Variants in ZBTB40 observed in about 807,000 individuals in gnomAD.
The protein encoded by ZBTB40 is zinc finger and BTB domain-containing protein 40.
ZBTB40 carries 60 observed loss-of-function variants against 117.5 expected under a neutral mutation model. That is an observed-to-expected ratio of 0.51 (90% CI 0.41 to 0.63). ZBTB40 has a LOEUF of 0.63. ZBTB40 is among the 30% of genes least tolerant of loss of function. The pLI is 0.00. For missense variants in ZBTB40, 1,287 were observed against 1,498.5 expected (o/e 0.86, Z 2.33); for synonymous variants, 525 against 577.1 (o/e 0.91, Z 1.29).
rs200179557 is a variant in ZBTB40 at position 22,501,498 on chromosome 1, G to A, written c.838G>A (p.Val280Met). The A allele has an allele frequency of 7.6e-5, 123 of 1,614,036 alleles. No homozygotes were observed. Among genetic ancestry groups the A allele is most frequent in the Non-Finnish European group, 9.4e-5 (111 of 1,180,002 alleles). ...EIKGPQKEMIVKCFEGEGGHS... is the reference protein window; with the variant it reads ...EIKGPQKEMIMKCFEGEGGHS... ...GGGTACTTTTGTTCCATAGATGATA[G>A]TGAAATGTTTCGAGGGTGAAGGAGG... The change falls in exon 4 of 18, where the codon GTG becomes ATG. Residue 280 changes from valine (V) to methionine (M), a missense_variant. Val to Met is a conservative substitution (Grantham distance 21). Transcript: ENST00000375647.
rs756589117 is a variant in ZBTB40 at position 22,508,040 on chromosome 1, G to A, written c.1400G>A (p.Arg467Lys). 6.0e-5 allele frequency: 97 copies of A among 1,614,022 alleles called. No individual in the cohort carries two copies. The highest frequency in any genetic ancestry group is 8.2e-5 in the Non-Finnish European group (97 of 1,180,056). ...GATGATTATGGGACTGAGCTATTGAGACGCTATCATGAAAACCTCTCTGAG... is the reference window on the plus strand; with the variant it reads ...GATGATTATGGGACTGAGCTATTGAAACGCTATCATGAAAACCTCTCTGAG... ...SPDDYGTELL[R>K]RYHENLSEIF... The change falls in exon 7 of 18, where the codon AGA becomes AAA. Residue 467 changes from arginine (R) to lysine (K), a missense_variant. This residue lies in a region of ZBTB40 where 870 missense variants were observed against 934.4 expected (regional missense o/e 0.93). Transcript: ENST00000375647.
Position 22,521,585 on chromosome 1 carries a change from C to CCAGT in ZBTB40, c.3139_3142dup (p.Cys1048SerfsTer6). 1 of 1,614,188 alleles carries CCAGT rather than the reference C, an allele frequency of 6.2e-7. No individual in the cohort carries two copies. The highest frequency in any genetic ancestry group is 1.1e-5 in the South Asian group (1 of 91,082). ...ACCGATCTTCCAAGTTCTCATCACT[C>CCAGT]CAGTGCAGCTCCTGTGACAAAACCT... On this transcript the variant is annotated frameshift_variant, in exon 15 of 18. Coordinates refer to ENST00000375647, the MANE Select transcript of ZBTB40 (RefSeq NM_014870.4). LOFTEE classifies it high-confidence loss of function.
At chr1:22,453,695 C>G (rs958855358) in intron 1 of ZBTB40, among the ~76,000 whole-genome samples, 1 of 152,184 alleles carries the variant, frequency 6.6e-6, no homozygotes, top group African/African-American at 2.4e-5. Context: ...AACAAACTCA[C>G]GTCGGAGAGA....
chr1:22,492,556 A>AG lies in ZBTB40; in HGVS notation c.831+1024dup, dbSNP rs983915244. ...CTTGCTCCTCTGATTGGTAGGGGGT[A>AG]GTGTGGGCCGATCCTCCCATGTTGC... On this transcript the variant is annotated intron_variant, in intron 3 of 17. Transcript: ENST00000375647. Among the ~76,000 whole-genome samples, 4 of 152,314 alleles carry AG rather than the reference A, an allele frequency of 2.6e-5. No homozygotes were observed. In the East Asian group the frequency reaches 7.7e-4, roughly 29 times the overall value.
chr1:22,484,919 C>T lies in ZBTB40; in HGVS notation c.-69-4961C>T, dbSNP rs370380103. On this transcript the variant is annotated intron_variant, in intron 1 of 17. Transcript: ENST00000375647. ...TTGACATGTTCACATGATTTTTCTT[C>T]TTTAGCCTGTTGATGCGATGGATCA... Among the ~76,000 whole-genome samples the T allele has an allele frequency of 1.2e-3, 179 of 152,252 alleles. 5 individuals are homozygous for T. In the South Asian group the frequency reaches 0.02, roughly 17 times the overall value.
In ZBTB40 at chr1:22,506,072, C is replaced by G; in HGVS notation, c.1191C>G (p.Gly397=). 1 of 1,614,006 alleles carries G rather than the reference C, an allele frequency of 6.2e-7. No homozygotes were observed. The change falls in exon 6 of 18, where the codon GGC becomes GGG. Residue 397 remains glycine, a synonymous_variant. Coordinates refer to ENST00000375647, the MANE Select transcript of ZBTB40 (RefSeq NM_014870.4). The part of the protein sequence containing the change: ...EKRVILNCCE[G]RTPKETIENL... ...AGGTGATTCTGAATTGCTGTGAGGG[C>G]AGAACACCCAAGGAGACAATAGAAA...
rs1429386810 is a variant in ZBTB40 at position 22,502,376 on chromosome 1, C to G, written c.1102C>G (p.Leu368Val). The G allele has an allele frequency of 1.2e-6, 2 of 1,613,980 alleles. No individual in the cohort carries two copies. The highest frequency in any genetic ancestry group is 2.2e-5 in the South Asian group (2 of 91,086). ...GGACCTGATACAGTGTGTAACACAG[C>G]TGAGACCTATTATGGAGTCCCTGGA... ...KEDLIQCVTQ[L>V]RPIMESLETA... The change falls in exon 5 of 18, where the codon CTG (leucine) becomes GTG (valine). Residue 368 changes from leucine (L) to valine (V), a missense_variant. By Grantham distance (32) the Leu-to-Val change is conservative. This residue lies in a region of ZBTB40 where 870 missense variants were observed against 934.4 expected (regional missense o/e 0.93). Coordinates refer to ENST00000375647, the MANE Select transcript of ZBTB40 (RefSeq NM_014870.4).
Position 22,490,316 on chromosome 1 carries a change from G to T in ZBTB40, c.368G>T (p.Gly123Val). 1 of 1,614,190 alleles carries T rather than the reference G, an allele frequency of 6.2e-7. No homozygotes were observed. Among genetic ancestry groups the T allele is most frequent in the Non-Finnish European group, 8.5e-7 (1 of 1,180,042 alleles). The change falls in exon 2 of 18, where the codon GGT (glycine) becomes GTT (valine). Residue 123 changes from glycine (G) to valine (V), a missense_variant. By Grantham distance (109) the Gly-to-Val change is moderately radical (BLOSUM62 -3). Coordinates refer to ENST00000375647, the MANE Select transcript of ZBTB40 (RefSeq NM_014870.4). ...LTSLVNCSVQ[G>V]QVVRDVSAPS... is the part of the protein sequence containing the mutation. ...AGCCTTGTAAACTGCTCGGTTCAGG[G>T]TCAGGTGGTAAGGGATGTCTCTGCG...
At chr1:22,447,660 G>T (rs1385982313), upstream of ZBTB40, among the ~76,000 whole-genome samples, 1 of 152,206 alleles carries the variant, frequency 6.6e-6, no homozygotes, top group Non-Finnish European at 1.5e-5. Context: ...GGATTCATAG[G>T]GTCAGGCCCG....
chr1:22,502,292 C>T lies in ZBTB40; in HGVS notation c.1025-7C>T, dbSNP rs768032876. ...CTCTTGTGTGTCTCTAACTCTTTCT[C>T]CCCCAGGGAGCACAGAGGAGGGAAA... On this transcript the variant is annotated splice_region_variant and splice_polypyrimidine_tract_variant and intron_variant, in intron 4 of 17. Transcript: ENST00000375647. The T allele has an allele frequency of 6.2e-7, 1 of 1,612,740 alleles. No homozygotes were observed. Among genetic ancestry groups the T allele is most frequent in the Non-Finnish European group, 8.5e-7 (1 of 1,179,324 alleles).
At chr1:22,473,394 T>G (rs1401017726) in intron 1 of ZBTB40, among the ~76,000 whole-genome samples, 3 of 152,232 alleles carry the variant, frequency 2.0e-5, no homozygotes, top group Non-Finnish European at 4.4e-5. Context: ...GGTCTGTTAC[T>G]TAACTTCACT....
At chr1:22,510,425 C>T (rs754492548) in intron 9 of ZBTB40, among the ~76,000 whole-genome samples, 1 of 152,178 alleles carries the variant, frequency 6.6e-6, no homozygotes, top group Non-Finnish European at 1.5e-5. Context: ...GTTTTAGCCT[C>T]ACTAATTAGT....
chr1:22,495,382 C>T (rs184804856), intron 3 of ZBTB40, among the ~76,000 whole-genome samples: 6 of 152,268 alleles, frequency 3.9e-5, no homozygotes, highest in African/African-American at 7.2e-5. Context: ...ATATCCCTTA[C>T]GCATTAGAAA....
intron 1 of ZBTB40, among the ~76,000 whole-genome samples, chr1:22,487,990 G>T (rs1346455347): frequency 6.6e-6 from 1 of 152,038 alleles, no homozygotes; most frequent in African/African-American, 2.4e-5. Flanking sequence ...TTTCTTATCT[G>T]CATGCCTCAT....
intron 1 of ZBTB40, among the ~76,000 whole-genome samples, chr1:22,433,432 C>CAAAAAAAAAAAAAAA (rs767913519): frequency 0.023 from 202 of 8,758 alleles, 59 homozygotes; most frequent in South Asian, 0.04. Flanking sequence ...GACGCCCTCT[C>CAAAAAAAAAAAAAAA]AAAAAAAAAA....
chr1:22,508,852 A>T, intron 8 of ZBTB40, 121 bp downstream of exon 8: 1 of 1,167,182 alleles, frequency 8.6e-7, no homozygotes, highest in African/African-American at 1.6e-5. Flanking sequence ...AGAAGTAAGG[A>T]CTGGCAGTTT....
chr1:22,514,403 A>T (rs975146905), intron 12 of ZBTB40, among the ~76,000 whole-genome samples: 2 of 152,172 alleles, frequency 1.3e-5, no homozygotes, highest in Non-Finnish European at 2.9e-5. Context: ...AGAGTCCTTA[A>T]GATAGCCTCC....
intron 1 of ZBTB40, among the ~76,000 whole-genome samples, chr1:22,468,805 T>C (rs962335895): frequency 2.0e-5 from 3 of 151,432 alleles, no homozygotes; most frequent in Non-Finnish European, 4.4e-5. Flanking sequence ...GGTGTTTCCT[T>C]ATTGATTTGT....
At position 22,528,181 on chromosome 1, in the gene ZBTB40, T is replaced by G. The variant is rs1329042051; in HGVS notation, c.*1785T>G. 1 of 152,754 alleles carries G rather than the reference T, an allele frequency of 6.5e-6. No homozygotes were observed. The highest frequency in any genetic ancestry group is 1.5e-5 in the Non-Finnish European group (1 of 68,070). The allele number at this position is 152,754 out of a possible 1,614,324, so 9.5% of individuals were successfully genotyped here. A position where few individuals can be genotyped will look rare whatever the true frequency, so the allele number is the denominator to read the frequency against. On this transcript the variant is annotated 3_prime_UTR_variant, in exon 18 of 18. Coordinates refer to ENST00000375647, the MANE Select transcript of ZBTB40 (RefSeq NM_014870.4). ...GCTTTTCCGTCCTGGGAACTGTCAG[T>G]CTGGGAGAGCTCTTGATCTGCAGGT... is the stretch of plus-strand genomic sequence containing the variant.
Sources: allele counts gnomAD v4.1 joint callset (sites outside exome capture counted in the v4.1 genomes callset), GRCh38; gene constraint gnomAD v4.1.1; regional missense constraint gnomAD v4.1.1; transcripts MANE v1.5; gene names NCBI Gene and HGNC (gene_info 2026-07-23, HGNC 2026-07-21).